ZFPM2: variants seen among roughly 807,000 people sequenced by gnomAD.
The protein encoded by ZFPM2 is zinc finger protein, FOG family member 2.
ZFPM2 carries 20 observed loss-of-function variants against 98.6 expected under a neutral mutation model. The ratio of observed to expected loss-of-function variants is 0.20; its 90% CI spans 0.14 to 0.29. The LOEUF (loss-of-function observed/expected upper bound fraction) is 0.29. Ranked by LOEUF, ZFPM2 falls within the 10% of genes least tolerant of loss-of-function variation. The pLI, the probability that ZFPM2 is intolerant of heterozygous loss-of-function variation, is 1.00. For missense variants in ZFPM2, 1,310 were observed against 1,388.6 expected (o/e 0.94, Z 0.90); for synonymous variants, 518 against 502.7 (o/e 1.03, Z -0.41).
intron 3 of ZFPM2, among the ~76,000 whole-genome samples, chr8:105,527,394 G>A (rs1442510895): frequency 2.6e-5 from 4 of 152,170 alleles, no homozygotes; most frequent in Non-Finnish European, 4.4e-5. Context: ...AAAGAGCAAA[G>A]TTCTCTTGTT....
intron 2 of ZFPM2, among the ~76,000 whole-genome samples, chr8:105,429,010 C>T (rs1429261196): frequency 6.6e-6 from 1 of 152,098 alleles, no homozygotes; most frequent in Non-Finnish European, 1.5e-5. Flanking sequence ...ATTGCACAGA[C>T]AGTAGGCTGT....
chr8:105,656,240 C>A (rs1186632323), intron 5 of ZFPM2, among the ~76,000 whole-genome samples: 2 of 152,098 alleles, frequency 1.3e-5, no homozygotes, highest in African/African-American at 2.4e-5. Flanking sequence ...AGTGATGAAA[C>A]CCTCCTGGTT....
intron 1 of ZFPM2, among the ~76,000 whole-genome samples, chr8:105,386,848 G>A (rs10955395): frequency 0.54 from 82,115 of 151,686 alleles, 22,389 homozygotes; most frequent in Admixed American, 0.59. Flanking sequence ...GAAGGTGGAG[G>A]ACAAAAGTTC....
Position 105,775,313 on chromosome 8 carries a change from C to T in ZFPM2, c.533-13405C>T, listed in dbSNP as rs775269492. 5.3e-4 allele frequency among the ~76,000 whole-genome samples: 80 copies of T among 152,084 alleles called. 1 individual carries two copies. The highest frequency in any genetic ancestry group is 1.4e-3 in the Admixed American group (22 of 15,272). On this transcript the variant is annotated intron_variant, in intron 5 of 7. Coordinates refer to ENST00000407775, the MANE Select transcript of ZFPM2 (RefSeq NM_012082.4). Reference sequence around the variant, plus strand: ...GCAGAGTGTTTCATTTCCCCCCCTCCCCTCTTCTTTTTCCCTCCACCTAAT... The same window carrying T: ...GCAGAGTGTTTCATTTCCCCCCCTCTCCTCTTCTTTTTCCCTCCACCTAAT...
At chr8:105,474,513 G>A (rs1158230231) in intron 3 of ZFPM2, among the ~76,000 whole-genome samples, 1 of 151,520 alleles carries the variant, frequency 6.6e-6, no homozygotes, top group Admixed American at 6.6e-5. Context: ...CCTCCTTTTT[G>A]CTTTTCCTGT....
rs577259303 is a variant in ZFPM2 at position 105,653,470 on chromosome 8, A to G, written c.532+19113A>G. The stretch of plus-strand genomic sequence containing the variant: ...TATTCCGCCTTTTAAAAATTTGACT[A>G]ATGTCTTACTACTTAACACATAATG... On this transcript the variant is annotated intron_variant, in intron 5 of 7. Transcript: ENST00000407775. Among the ~76,000 whole-genome samples the G allele has an allele frequency of 2.2e-4, 34 of 152,338 alleles. No homozygotes were observed. In the South Asian group the frequency reaches 6.8e-3, roughly 31 times the overall value.
chr8:105,335,418 G>T (rs1199510212), intron 1 of ZFPM2, among the ~76,000 whole-genome samples: 1 of 151,762 alleles, frequency 6.6e-6, no homozygotes, highest in Non-Finnish European at 1.5e-5. Context: ...CAAGGTGTAT[G>T]CTACTGTAAG....
chr8:105,610,110 A>G (rs1816278580), intron 4 of ZFPM2, among the ~76,000 whole-genome samples: 1 of 152,128 alleles, frequency 6.6e-6, no homozygotes, highest in Admixed American at 6.5e-5. Context: ...GTCAGCTAAC[A>G]TGGTATATGG....
intron 1 of ZFPM2, among the ~76,000 whole-genome samples, chr8:105,375,614 T>C (rs1236622876): frequency 6.6e-6 from 1 of 152,088 alleles, no homozygotes; most frequent in Non-Finnish European, 1.5e-5. Flanking sequence ...CCTTCACCAG[T>C]TGAGTAGTGA....
At chr8:105,535,556 T>C (rs1337955194) in intron 3 of ZFPM2, among the ~76,000 whole-genome samples, 1 of 152,218 alleles carries the variant, frequency 6.6e-6, no homozygotes. Context: ...GTCTACAGTT[T>C]CGATTCTCTG....
At position 105,431,915 on chromosome 8, in the gene ZFPM2, G is replaced by C. The variant is rs1203104537; in HGVS notation, c.200-12365G>C. Among the ~76,000 whole-genome samples, 3 of 73,790 alleles carry C rather than the reference G, an allele frequency of 4.1e-5. 1 individual carries two copies. In the Admixed American group the frequency reaches 4.4e-4, roughly 11 times the overall value. 48.4% of individuals were successfully genotyped at this position (73,790 alleles called of 152,430 possible). On this transcript the variant is annotated intron_variant, in intron 2 of 7. Coordinates refer to ENST00000407775, the MANE Select transcript of ZFPM2 (RefSeq NM_012082.4). ...TCAGACTGGGTGACAGAGCAAGACT[G>C]TGTCTCAAAAAAAAGAAAAAGAATG...
intron 3 of ZFPM2, among the ~76,000 whole-genome samples, chr8:105,494,804 G>T (rs548685953): frequency 1.3e-5 from 2 of 152,084 alleles, no homozygotes. Context: ...ACCTTTTTCT[G>T]TTTGAGTCCA....
chr8:105,800,682 G>T (rs1813973535), intron 7 of ZFPM2, among the ~76,000 whole-genome samples: 3 of 152,028 alleles, frequency 2.0e-5, no homozygotes, highest in African/African-American at 7.2e-5. Flanking sequence ...TTATAGTGAG[G>T]TTATTAGATT....
intron 1 of ZFPM2, among the ~76,000 whole-genome samples, chr8:105,365,713 G>T (rs17211035): frequency 0.12 from 18,464 of 152,088 alleles, 1,360 homozygotes; most frequent in Non-Finnish European, 0.16. Context: ...TTCCCTTTTA[G>T]TCCAGTCAGA....
rs368902912 is a variant in ZFPM2, at chr8:105,680,866, G to A, written c.532+46509G>A. Among the ~76,000 whole-genome samples, 23 of 151,764 alleles carry A rather than the reference G, an allele frequency of 1.5e-4. No individual in the cohort carries two copies. In the East Asian group the frequency reaches 3.7e-3, roughly 24 times the overall value. Reference sequence around the variant, plus strand: ...AAAGTAAAAATTATTCCATTTATTCGTTGAAGTTGTTTATTGACTACATGA... The same window carrying A: ...AAAGTAAAAATTATTCCATTTATTCATTGAAGTTGTTTATTGACTACATGA... On this transcript the variant is annotated intron_variant, in intron 5 of 7. Transcript: ENST00000407775.
At chr8:105,739,495 T>G (rs1022602554) in intron 5 of ZFPM2, among the ~76,000 whole-genome samples, 1 of 152,066 alleles carries the variant, frequency 6.6e-6, no homozygotes, top group African/African-American at 2.4e-5. Context: ...TATTTATGAA[T>G]ATTCATTTTT....
intron 3 of ZFPM2, among the ~76,000 whole-genome samples, chr8:105,535,292 T>A (rs1201401489): frequency 3.3e-5 from 5 of 152,174 alleles, no homozygotes; most frequent in Non-Finnish European, 5.9e-5. Flanking sequence ...TTTATTGTTA[T>A]TAAAGCATGC....
At chr8:105,527,785 C>T (rs1466558254) in intron 3 of ZFPM2, among the ~76,000 whole-genome samples, 5 of 152,142 alleles carry the variant, frequency 3.3e-5, no homozygotes, top group African/African-American at 9.7e-5. Context: ...GGGACACATT[C>T]TGTGTTTTAA....
Position 105,788,794 on chromosome 8 carries a change from C to T in ZFPM2, c.609C>T (p.Asp203=). 1 of 1,613,974 alleles carries T rather than the reference C, an allele frequency of 6.2e-7. No individual in the cohort carries two copies. The highest frequency in any genetic ancestry group is 8.5e-7 in the Non-Finnish European group (1 of 1,179,888). Residue 203 remains aspartate, a synonymous_variant, in exon 6 of 8, where the codon GAC becomes GAT. Coordinates refer to ENST00000407775, the MANE Select transcript of ZFPM2 (RefSeq NM_012082.4). ...EELIAFVVDF[D]SRLQAASQMT... ...TAATTGCCTTTGTGGTGGATTTTGA[C>T]TCAAGGCTACAAGCTGCCAGTCAGA...
Sources: gnomAD v4.1 joint callset for allele counts (sites outside exome capture counted in the v4.1 genomes callset) on GRCh38, gnomAD v4.1.1 for gene constraint, MANE v1.5 for transcripts, NCBI Gene and HGNC (gene_info 2026-07-23, HGNC 2026-07-21) for gene names.